VKORC1L1: variants seen among roughly 807,000 people sequenced by gnomAD.
VKORC1L1 encodes the protein vitamin K epoxide reductase complex subunit 1-like protein 1.
VKORC1L1 carries 2 observed loss-of-function variants against 18.9 expected under a neutral mutation model. That is an observed-to-expected ratio of 0.11 (90% CI 0.04 to 0.33). VKORC1L1 has a LOEUF of 0.33. Ranked by LOEUF, VKORC1L1 falls within the 10% of genes least tolerant of loss-of-function variation. The probability of loss-of-function intolerance (pLI) is 1.00; values close to 1 mark genes in which losing one functional copy is unlikely to be tolerated. For missense variants in VKORC1L1, 123 were observed against 224.1 expected, an observed-to-expected ratio of 0.55 and a Z score of 2.88; for synonymous variants, 96 against 100.0, an observed-to-expected ratio of 0.96 and a Z score of 0.24.
chr7:65,872,475 G>A (rs919432329), upstream of VKORC1L1, among the ~76,000 whole-genome samples: 1 of 151,888 alleles, frequency 6.6e-6, no homozygotes, highest in Non-Finnish European at 1.5e-5. Flanking sequence ...ACGACACCGG[G>A]CTAATTTGTT....
rs1468210343 is a variant in VKORC1L1 at position 65,959,460 on chromosome 7, G to GTTGA, written c.*5162_*5165dup. The GTTGA allele has an allele frequency of 1.3e-5, 2 of 152,186 alleles. No homozygotes were observed. The highest frequency in any genetic ancestry group is 2.9e-5 in the Non-Finnish European group (2 of 68,024). 9.4% of individuals were successfully genotyped at this position (152,186 alleles called of 1,614,324 possible). ...GATTCCTTTGAAAAACTAAAGAGAA[G>GTTGA]TTGATAAAAAAAATACAGAAGCTCT... On this transcript the variant is annotated 3_prime_UTR_variant, in exon 3 of 3. Transcript: ENST00000360768.
intron 1 of VKORC1L1, among the ~76,000 whole-genome samples, chr7:65,886,531 T>C (rs1789013984): frequency 6.6e-6 from 1 of 152,104 alleles, no homozygotes; most frequent in Non-Finnish European, 1.5e-5. Context: ...GAGAGTTTTT[T>C]TTTTATTATT....
At chr7:65,890,477 C>T (rs945516690) in intron 1 of VKORC1L1, among the ~76,000 whole-genome samples, 3 of 151,954 alleles carry the variant, frequency 2.0e-5, no homozygotes, top group Admixed American at 6.6e-5. Flanking sequence ...CCATGTTGGC[C>T]AGGCTGGTCT....
At chr7:65,951,579 A>G (rs1291770907) in intron 2 of VKORC1L1, among the ~76,000 whole-genome samples, 3 of 151,632 alleles carry the variant, frequency 2.0e-5, no homozygotes, top group African/African-American at 7.3e-5. Flanking sequence ...TTCAGGAAAA[A>G]AAAAATATAT....
At chr7:65,866,266 A>C in the VKORC1L1 span, among the ~76,000 whole-genome samples, 10 of 152,194 alleles carry the variant, frequency 6.6e-5, no homozygotes, top group African/African-American at 1.9e-4. Flanking sequence ...CAGACCCACC[A>C]GGAAGTGAGC....
chr7:65,923,275 G>A (rs960022944), intron 1 of VKORC1L1, among the ~76,000 whole-genome samples: 1 of 151,942 alleles, frequency 6.6e-6, no homozygotes, highest in Non-Finnish European at 1.5e-5. Flanking sequence ...TGTGGTGCAT[G>A]CCTGTAATTC....
At chr7:65,945,132 G>C (rs1053825451) in intron 1 of VKORC1L1, among the ~76,000 whole-genome samples, 1 of 151,712 alleles carries the variant, frequency 6.6e-6, no homozygotes, top group Non-Finnish European at 1.5e-5. Context: ...GTGGTGGCGG[G>C]TGCTAGTAAT....
intron 1 of VKORC1L1, among the ~76,000 whole-genome samples, chr7:65,933,482 C>T (rs1789891857): frequency 6.6e-6 from 1 of 152,088 alleles, no homozygotes; most frequent in Non-Finnish European, 1.5e-5. Flanking sequence ...GTTTATACAA[C>T]ATAAAGTTTA....
chr7:65,953,727 G>T (rs147894556), intron 2 of VKORC1L1, among the ~76,000 whole-genome samples: 1 of 152,036 alleles, frequency 6.6e-6, no homozygotes, highest in Non-Finnish European at 1.5e-5. Context: ...TCAGCCAGGC[G>T]TGGTGGCACG....
chr7:65,941,673 G>GT (rs57537567), intron 1 of VKORC1L1, among the ~76,000 whole-genome samples: 1,764 of 66,166 alleles, frequency 0.027, 14 homozygotes, highest in Non-Finnish European at 0.029. Context: ...TTTTCTTAAG[G>GT]TTTTTTTTTT....
chr7:65,888,634 G>GA (rs1789053926), intron 1 of VKORC1L1, among the ~76,000 whole-genome samples: 2 of 152,046 alleles, frequency 1.3e-5, no homozygotes. Flanking sequence ...CTGCGGTGGT[G>GA]AGGGGGGTGC....
intron 1 of VKORC1L1, among the ~76,000 whole-genome samples, chr7:65,883,563 GT>G (rs1788963746): frequency 6.6e-6 from 1 of 151,684 alleles, no homozygotes; most frequent in Admixed American, 6.6e-5. Flanking sequence ...GCAGTGGCGG[GT>G]TCTCGGCTCA....
At chr7:65,866,651 T>C in the VKORC1L1 span, among the ~76,000 whole-genome samples, 1 of 152,252 alleles carries the variant, frequency 6.6e-6, no homozygotes, top group African/African-American at 2.4e-5. Flanking sequence ...GCTTCATACT[T>C]GTAATCCCAA....
upstream of VKORC1L1, among the ~76,000 whole-genome samples, chr7:65,872,547 C>A (rs1007587750): frequency 6.6e-6 from 1 of 152,060 alleles, no homozygotes; most frequent in South Asian, 2.1e-4. Context: ...AGGCTGGTCT[C>A]GAACTCCTGA....
intron 1 of VKORC1L1, among the ~76,000 whole-genome samples, chr7:65,904,932 A>G (rs1042946520): frequency 3.3e-5 from 5 of 152,074 alleles, no homozygotes; most frequent in African/African-American, 1.2e-4. Flanking sequence ...CTGTGTATGT[A>G]TGTATATATG....
intron 1 of VKORC1L1, among the ~76,000 whole-genome samples, chr7:65,895,422 C>G (rs369439695): frequency 7.9e-6 from 1 of 125,868 alleles, no homozygotes; most frequent in East Asian, 2.4e-4. Context: ...TGGAGACCAG[C>G]CTGGGCCATA....
chr7:65,935,635 G>C (rs1789930623), intron 1 of VKORC1L1, among the ~76,000 whole-genome samples: 1 of 152,054 alleles, frequency 6.6e-6, no homozygotes, highest in Admixed American at 6.6e-5. Context: ...ATGCAAAATT[G>C]GTAGGCATTT....
intron 1 of VKORC1L1, among the ~76,000 whole-genome samples, chr7:65,917,010 T>C (rs1003256412): frequency 6.6e-6 from 1 of 152,218 alleles, no homozygotes; most frequent in African/African-American, 2.4e-5. Flanking sequence ...CCTTTTCTTC[T>C]ACACCAGGAG....
chr7:65,900,003 A>G (rs1424125004), intron 1 of VKORC1L1, among the ~76,000 whole-genome samples: 6 of 151,624 alleles, frequency 4.0e-5, no homozygotes, highest in Non-Finnish European at 8.8e-5. Context: ...TGTCACACAC[A>G]CACAAAAATA....
Sources: allele counts gnomAD v4.1 joint callset (sites outside exome capture counted in the v4.1 genomes callset), GRCh38; gene constraint gnomAD v4.1.1; transcripts MANE v1.5; gene names NCBI Gene and HGNC (gene_info 2026-07-23, HGNC 2026-07-21).